MARCHF1: variants seen among roughly 807,000 people sequenced by gnomAD.
The protein encoded by MARCHF1 is membrane associated ring-CH-type finger 1.
A neutral mutation model predicts 54.2 loss-of-function variants in MARCHF1; 40 were observed. The ratio of observed to expected loss-of-function variants is 0.74; its 90% confidence interval spans 0.57 to 0.96. MARCHF1 has a LOEUF of 0.96. Among genes scored for constraint, MARCHF1 ranks in the 40% least tolerant of loss-of-function variants. The pLI, the probability that MARCHF1 is intolerant of heterozygous loss-of-function variation, is 0.00. For synonymous variants in MARCHF1, 236 were observed against 236.3 expected (o/e 1.00, Z 0.01); for missense variants, 586 against 656.5 (o/e 0.89, Z 1.17).
chr4:163,607,636 T>C (rs993846699), intron 7 of MARCHF1, among the ~76,000 whole-genome samples: 1 of 152,092 alleles, frequency 6.6e-6, no homozygotes, highest in Non-Finnish European at 1.5e-5. Flanking sequence ...TGTGTCAGCA[T>C]TCAAGGGAAT....
chr4:164,382,184 A>G (rs1731389414), intron 1 of MARCHF1, among the ~76,000 whole-genome samples: 1 of 152,204 alleles, frequency 6.6e-6, no homozygotes, highest in Non-Finnish European at 1.5e-5. Flanking sequence ...AACTTCCACC[A>G]CATTGATTAT....
chr4:163,729,710 T>G (rs1745772845), intron 4 of MARCHF1, among the ~76,000 whole-genome samples: 1 of 152,122 alleles, frequency 6.6e-6, no homozygotes, highest in South Asian at 2.1e-4. Context: ...TGTCCCCTCT[T>G]TCATCTGATA....
rs747609952 is a variant in MARCHF1, at chr4:163,894,822, C to CAT, written c.-38-40655_-38-40654dup. On this transcript the variant is annotated intron_variant, in intron 3 of 9. Transcript: ENST00000514618. The stretch of plus-strand genomic sequence containing the variant: ...TGCATATATATACATGCATGTGATG[C>CAT]ATATATATATGCATGTGATGCATAT... Among the ~76,000 whole-genome samples the CAT allele has an allele frequency of 4.5e-5, 2 of 44,084 alleles. 1 individual carries two copies. The highest frequency in any genetic ancestry group is 1.1e-3 in the East Asian group (2 of 1,824). 28.9% of individuals were successfully genotyped at this position (44,084 alleles called of 152,430 possible).
intron 1 of MARCHF1, among the ~76,000 whole-genome samples, chr4:164,145,746 C>G (rs1193154213): frequency 4.8e-5 from 7 of 145,132 alleles, no homozygotes; most frequent in Non-Finnish European, 9.1e-5. Context: ...GAAGCATTCC[C>G]TTTGAAAACT....
intron 3 of MARCHF1, among the ~76,000 whole-genome samples, chr4:163,980,538 G>A (rs564809373): frequency 1.1e-4 from 17 of 152,174 alleles, no homozygotes; most frequent in African/African-American, 4.1e-4. Context: ...AAACTAAAGA[G>A]CTTCTGCACA....
intron 4 of MARCHF1, among the ~76,000 whole-genome samples, chr4:163,755,327 A>G (rs536047001): frequency 6.6e-6 from 1 of 152,226 alleles, no homozygotes; most frequent in East Asian, 1.9e-4. Flanking sequence ...CAGCTAATAA[A>G]CTTTTTGTCC....
intron 5 of MARCHF1, among the ~76,000 whole-genome samples, chr4:163,634,315 AG>A (rs200530722): frequency 0.034 from 5,164 of 150,820 alleles, 298 homozygotes; most frequent in East Asian, 0.2. Context: ...TTGGATAAAG[AG>A]TCAAGACCCA....
chr4:163,804,065 A>G (rs1748158833), intron 4 of MARCHF1, among the ~76,000 whole-genome samples: 1 of 152,200 alleles, frequency 6.6e-6, no homozygotes, highest in Non-Finnish European at 1.5e-5. Flanking sequence ...AATTCTTGAG[A>G]AGCAGCTCTT....
chr4:163,699,981 A>T (rs1744756477), intron 5 of MARCHF1, among the ~76,000 whole-genome samples: 1 of 145,088 alleles, frequency 6.9e-6, no homozygotes. Context: ...TTTTTAATCC[A>T]CTGACTCTAC....
intron 1 of MARCHF1, among the ~76,000 whole-genome samples, chr4:164,324,420 T>C (rs1735220118): frequency 6.6e-6 from 1 of 151,542 alleles, no homozygotes; most frequent in Non-Finnish European, 1.5e-5. Flanking sequence ...CTAGTAAATA[T>C]AATCAAAGAA....
At chr4:164,365,765 C>A (rs954288687) in intron 1 of MARCHF1, among the ~76,000 whole-genome samples, 2 of 151,958 alleles carry the variant, frequency 1.3e-5, no homozygotes, top group African/African-American at 4.8e-5. Flanking sequence ...TCAGTTGGTG[C>A]ATCAAATCAT....
intron 3 of MARCHF1, among the ~76,000 whole-genome samples, chr4:163,941,477 T>C (rs1751911772): frequency 6.6e-6 from 1 of 152,176 alleles, no homozygotes; most frequent in African/African-American, 2.4e-5. Context: ...TTAGGTAGGT[T>C]AAATAGAAGT....
chr4:163,877,388 G>GA (rs1750312970), intron 3 of MARCHF1, among the ~76,000 whole-genome samples: 1 of 151,160 alleles, frequency 6.6e-6, no homozygotes, highest in South Asian at 2.1e-4. Flanking sequence ...GAAGAGCTCT[G>GA]AAAAAATTAC....
chr4:163,904,511 A>G (rs1232754079), intron 3 of MARCHF1, among the ~76,000 whole-genome samples: 1 of 152,212 alleles, frequency 6.6e-6, no homozygotes, highest in East Asian at 1.9e-4. Flanking sequence ...CAAAACCTGC[A>G]GCCATCAGGA....
chr4:163,920,504 T>C lies in MARCHF1; in HGVS notation c.-38-66335A>G, dbSNP rs537840240. ...ACTTTGCTGTACTTACTCCAGCCTTTGCCAGTTTCTGAAGAATGAGGTTAT... is the reference window on the plus strand; with the variant it reads ...ACTTTGCTGTACTTACTCCAGCCTTCGCCAGTTTCTGAAGAATGAGGTTAT... On this transcript the variant is annotated intron_variant, in intron 3 of 9. Transcript: ENST00000514618. 1.5e-3 allele frequency among the ~76,000 whole-genome samples: 228 copies of C among 152,302 alleles called. 1 individual carries two copies. The highest frequency in any genetic ancestry group is 2.2e-3 in the Non-Finnish European group (151 of 68,030).
rs1026249238 is a variant in MARCHF1 at position 163,941,291 on chromosome 4, C to T, written c.-39+47210G>A. Among the ~76,000 whole-genome samples the T allele has an allele frequency of 5.3e-5, 8 of 151,992 alleles. 2 individuals carry two copies. The highest frequency in any genetic ancestry group is 4.6e-4 in the Admixed American group (7 of 15,258). On this transcript the variant is annotated intron_variant, in intron 3 of 9. Transcript: ENST00000514618. ...TCTTAGCTGTGGTTGTCAAGAAAAG[C>T]TTCAGGAAGGTGTTAGGATTGAGCT...
chr4:164,170,952 G>A (rs895959909), intron 1 of MARCHF1, among the ~76,000 whole-genome samples: 5 of 151,948 alleles, frequency 3.3e-5, no homozygotes, highest in African/African-American at 1.2e-4. Context: ...GTTAACAAAG[G>A]CATCAAAGAA....
At chr4:163,573,082 T>C (rs1280547690) in intron 8 of MARCHF1, among the ~76,000 whole-genome samples, 3 of 152,110 alleles carry the variant, frequency 2.0e-5, no homozygotes, top group African/African-American at 7.2e-5. Flanking sequence ...CTCTCAGCTA[T>C]CTGTCTTATT....
chr4:163,571,008 C>G (rs558882223), intron 8 of MARCHF1, among the ~76,000 whole-genome samples: 10 of 152,062 alleles, frequency 6.6e-5, no homozygotes, highest in Non-Finnish European at 1.0e-4. Context: ...AGTAATTTTC[C>G]TCATCCAATT....
Sources: allele counts gnomAD v4.1 joint callset (sites outside exome capture counted in the v4.1 genomes callset), GRCh38; gene constraint gnomAD v4.1.1; transcripts MANE v1.5; gene names NCBI Gene and HGNC (gene_info 2026-07-23, HGNC 2026-07-21).